DENND6A: variants seen among roughly 807,000 people sequenced by gnomAD.
DENND6A encodes the protein protein DENND6A.
Under a neutral mutation model 95.5 loss-of-function variants are expected in DENND6A, and 43 were observed. That is an observed-to-expected ratio of 0.45 (90% confidence interval 0.35 to 0.58). The LOEUF (loss-of-function observed/expected upper bound fraction) is 0.58, where lower values mean the gene tolerates loss of function less well. Ranked by LOEUF, DENND6A falls within the 20% of genes least tolerant of loss-of-function variation. The pLI is 0.00. For missense variants in DENND6A, 574 were observed against 736.0 expected (o/e 0.78, Z 2.55); for synonymous variants, 257 against 260.4 (o/e 0.99, Z 0.13).
At chr3:57,646,502 C>T (rs1374683336) in intron 9 of DENND6A, 64 bp from the exon 10 acceptor site, 2 of 1,517,892 alleles carry the variant, frequency 1.3e-6, no homozygotes, top group African/African-American at 1.4e-5. Context: ...AAAATTCCTA[C>T]ATAATCTTTC....
At chr3:57,675,993 C>T (rs1380938978) in intron 1 of DENND6A, among the ~76,000 whole-genome samples, 1 of 151,962 alleles carries the variant, frequency 6.6e-6, no homozygotes, top group Non-Finnish European at 1.5e-5. Context: ...GAGTCAGGCC[C>T]CCCAAGCACA....
chr3:57,676,512 C>T (rs1269917138), intron 1 of DENND6A, among the ~76,000 whole-genome samples: 6 of 151,284 alleles, frequency 4.0e-5, no homozygotes, highest in Non-Finnish European at 8.8e-5. Context: ...TGTTATATGG[C>T]GCAGAGCCCT....
chr3:57,628,752 G>A (rs918262197), intron 19 of DENND6A, 59 bp downstream of exon 19: 28 of 1,548,306 alleles, frequency 1.8e-5, no homozygotes, highest in Non-Finnish European at 2.4e-5. Flanking sequence ...CAGCTCACAT[G>A]AGAGGACAAT....
Position 57,632,226 on chromosome 3 carries a change from G to A in DENND6A, c.1353+1039C>T, listed in dbSNP as rs1312385833. Reference sequence around the variant, plus strand: ...AGTAGAGACGAGACGGGGTTTCACCGTGTTAGCCAGGATGGTCTCGATCTC... The same window carrying A: ...AGTAGAGACGAGACGGGGTTTCACCATGTTAGCCAGGATGGTCTCGATCTC... On this transcript the variant is annotated intron_variant, in intron 15 of 19. Transcript: ENST00000311128. 6.0e-5 allele frequency among the ~76,000 whole-genome samples: 9 copies of A among 150,232 alleles called. No homozygotes were observed. The East Asian group carries it at 7.8e-4, about 13-fold the overall frequency.
chr3:57,679,498 G>A, intron 1 of DENND6A: 1 of 985,324 alleles, frequency 1.0e-6, no homozygotes, highest in Non-Finnish European at 1.2e-6. Flanking sequence ...TTGACTTTGG[G>A]CAAAAATAAA....
chr3:57,636,124 G>A (rs2070786655), intron 12 of DENND6A, among the ~76,000 whole-genome samples: 1 of 152,182 alleles, frequency 6.6e-6, no homozygotes, highest in African/African-American at 2.4e-5. Context: ...TAGGCTGTTA[G>A]AACTTAAGTT....
At position 57,688,003 on chromosome 3, in the gene DENND6A, G is replaced by T. The variant is rs374024789; in HGVS notation, c.237+4779C>A. On this transcript the variant is annotated intron_variant, in intron 1 of 19. Coordinates refer to ENST00000311128, the MANE Select transcript of DENND6A (RefSeq NM_152678.3). ...GAAGAGTTTTTTGTTTTTTGGGTTT[G>T]TTTTTTTTTTGAGACAAAGTCTTAC... is the stretch of plus-strand genomic sequence containing the variant. Among the ~76,000 whole-genome samples, 16 of 144,060 alleles carry T rather than the reference G, an allele frequency of 1.1e-4. No individual in the cohort carries two copies. In the East Asian group the frequency reaches 2.8e-3, roughly 25 times the overall value. 94.5% of individuals were successfully genotyped at this position (144,060 alleles called of 152,430 possible). A position where few individuals can be genotyped will look rare whatever the true frequency, so the allele number is the denominator to read the frequency against.
chr3:57,645,587 T>C, intron 11 of DENND6A, 74 bp downstream of exon 11: 1 of 1,150,726 alleles, frequency 8.7e-7, no homozygotes, highest in East Asian at 2.4e-5. Flanking sequence ...TATAAGCTTT[T>C]ATTACCAAAA....
At chr3:57,650,447 T>C (rs75102966) in intron 9 of DENND6A, among the ~76,000 whole-genome samples, 54 of 113,040 alleles carry the variant, frequency 4.8e-4, no homozygotes, top group South Asian at 3.7e-3. Flanking sequence ...CACACACACA[T>C]ACATACACAC....
rs115996504 is a variant in DENND6A at position 57,675,770 on chromosome 3, G to A, written c.238-3332C>T. ...TGTTATAACCAACCTGACCTCCTTA[G>A]GAGATGAACATAACATTTATCAAAG... On this transcript the variant is annotated intron_variant, in intron 1 of 19. Transcript: ENST00000311128. Among the ~76,000 whole-genome samples the A allele has an allele frequency of 1.8e-3, 267 of 152,260 alleles. 1 individual carries two copies. Among genetic ancestry groups the A allele is most frequent in the African/African-American group, 6.2e-3 (256 of 41,546 alleles).
At position 57,692,839 on chromosome 3, in the gene DENND6A, G is replaced by A. The variant is rs769779894; in HGVS notation, c.180C>T (p.Ala60=). 4 of 1,584,156 alleles carry A rather than the reference G, an allele frequency of 2.5e-6. No individual in the cohort carries two copies. Among genetic ancestry groups the A allele is most frequent in the Non-Finnish European group, 3.4e-6 (4 of 1,168,858 alleles). The part of the protein sequence containing the change: ...RGLLRWDSFS[A]WLHCVCVVGF... ...CCACCACACACACGCAGTGCAGCCAGGCGGAGAAGCTGTCCCAGCGCAGCA... is the reference window on the plus strand; with the variant it reads ...CCACCACACACACGCAGTGCAGCCAAGCGGAGAAGCTGTCCCAGCGCAGCA... The change falls in exon 1 of 20, where the codon GCC becomes GCT. Residue 60 remains alanine (A), a synonymous_variant. Transcript: ENST00000311128.
intron 11 of DENND6A, among the ~76,000 whole-genome samples, chr3:57,644,550 T>G (rs1257992172): frequency 6.6e-6 from 1 of 150,644 alleles, no homozygotes; most frequent in African/African-American, 2.4e-5. Flanking sequence ...TTAAGTGATC[T>G]GCCCGCCTCA....
chr3:57,686,170 A>G (rs1433651617), intron 1 of DENND6A, among the ~76,000 whole-genome samples: 2 of 152,218 alleles, frequency 1.3e-5, no homozygotes, highest in African/African-American at 2.4e-5. Flanking sequence ...CTCATTTTCA[A>G]TAAGCATTAA....
intron 8 of DENND6A, among the ~76,000 whole-genome samples, chr3:57,658,873 C>T (rs2071375240): frequency 6.6e-6 from 1 of 152,110 alleles, no homozygotes; most frequent in Non-Finnish European, 1.5e-5. Flanking sequence ...TTCACTTTCC[C>T]CTTTTCCTCA....
In DENND6A at chr3:57,627,130, A is replaced by C. The variant is rs1432148668; in HGVS notation, c.*1084T>G. The C allele has an allele frequency of 2.0e-5, 3 of 152,050 alleles. No homozygotes were observed. The highest frequency in any genetic ancestry group is 2.9e-5 in the Non-Finnish European group (2 of 68,008). The allele number at this position is 152,050 out of a possible 1,614,324, so 9.4% of individuals were successfully genotyped here. On this transcript the variant is annotated 3_prime_UTR_variant, in exon 20 of 20. Transcript: ENST00000311128. Reference sequence around the variant, plus strand: ...TAGTTTAAACATTTAATAATATTTAAATTAGTATTTATTTAATTTTTTATT... The same window carrying C: ...TAGTTTAAACATTTAATAATATTTACATTAGTATTTATTTAATTTTTTATT...
rs201191205 is a variant in DENND6A at position 57,692,895 on chromosome 3, C to A, written c.124G>T (p.Asp42Tyr). The change falls in exon 1 of 20, where the codon GAT becomes TAT. Residue 42 changes from aspartate to tyrosine, a missense_variant. Coordinates refer to ENST00000311128, the MANE Select transcript of DENND6A (RefSeq NM_152678.3). ...CGGCCACGGCCATCGTCCTCTTCAT[C>A]GTCCTCTGGCGCGCCTCCCGCCGCC... ...LVAAGGAPED[D>Y]EEDDGRGRGL... 5.1e-6 allele frequency: 8 copies of A among 1,570,894 alleles called. No homozygotes were observed. The highest frequency in any genetic ancestry group is 6.9e-6 in the Non-Finnish European group (8 of 1,164,010).
intron 1 of DENND6A, among the ~76,000 whole-genome samples, chr3:57,679,934 A>C (rs1481761081): frequency 1.3e-5 from 2 of 152,210 alleles, no homozygotes; most frequent in Non-Finnish European, 2.9e-5. Flanking sequence ...GAGATGGTAC[A>C]GGGTGCTGAG....
At chr3:57,672,340 A>T in intron 2 of DENND6A, 42 bp from the exon 3 acceptor site, 1 of 1,608,558 alleles carries the variant, frequency 6.2e-7, no homozygotes, top group Non-Finnish European at 8.5e-7. Context: ...ACACATACAT[A>T]ATCAATAAAA....
At chr3:57,641,300 T>A (rs1049471075) in intron 12 of DENND6A, among the ~76,000 whole-genome samples, 1 of 143,888 alleles carries the variant, frequency 6.9e-6, no homozygotes, top group African/African-American at 2.5e-5. Context: ...ATTATATATT[T>A]AAATATATAT....
Sources: gnomAD v4.1 joint callset for allele counts (sites outside exome capture counted in the v4.1 genomes callset) on GRCh38, gnomAD v4.1.1 for gene constraint, MANE v1.5 for transcripts, NCBI Gene and HGNC (gene_info 2026-07-23, HGNC 2026-07-21) for gene names.